FAT3: variants seen among roughly 807,000 people sequenced by gnomAD.
The protein encoded by FAT3 is protocadherin Fat 3.
In FAT3, 95 loss-of-function variants were observed where a neutral mutation model predicts 310.2. The observed-to-expected ratio is 0.31, with a 90% CI of 0.26 to 0.36. FAT3 has a LOEUF of 0.36. Among genes scored for constraint, FAT3 ranks in the 10% least tolerant of loss-of-function variants. The pLI is 1.00. For synonymous variants in FAT3, 2,314 were observed against 2,192.9 expected (o/e 1.06, Z -1.54); for missense variants, 5,408 against 5,715.6 (o/e 0.95, Z 1.74).
chr11:92,248,336 C>T (rs944229521), intron 1 of FAT3, among the ~76,000 whole-genome samples: 3 of 152,074 alleles, frequency 2.0e-5, no homozygotes, highest in African/African-American at 7.2e-5. Flanking sequence ...ACACATCTCA[C>T]ACTAGATTTC....
chr11:92,300,458 T>C (rs557144208), intron 1 of FAT3, among the ~76,000 whole-genome samples: 2 of 152,280 alleles, frequency 1.3e-5, no homozygotes, highest in South Asian at 4.1e-4. Context: ...ACTGAAACTT[T>C]ACAGGAAGGC....
intron 3 of FAT3, among the ~76,000 whole-genome samples, chr11:92,557,082 G>T (rs529377804): frequency 1.3e-5 from 2 of 151,462 alleles, no homozygotes; most frequent in East Asian, 2.0e-4. Context: ...TCTTTCTTTC[G>T]CTATCTATTG....
intron 9 of FAT3, 113 bp from the exon 10 acceptor site, chr11:92,797,723 T>G: frequency 1.1e-6 from 1 of 875,472 alleles, no homozygotes; most frequent in South Asian, 1.8e-5. Flanking sequence ...ATGAGTACTA[T>G]AATTGCTTTC....
intron 1 of FAT3, among the ~76,000 whole-genome samples, chr11:92,283,134 C>G (rs1004153741): frequency 2.0e-5 from 3 of 152,068 alleles, no homozygotes; most frequent in Non-Finnish European, 1.5e-5. Context: ...CAGCCCAGCC[C>G]GATTGTCTTA....
intron 3 of FAT3, among the ~76,000 whole-genome samples, chr11:92,593,643 G>A (rs1359177548): frequency 1.3e-5 from 2 of 152,010 alleles, no homozygotes; most frequent in African/African-American, 2.4e-5. Flanking sequence ...CCTTCTAGAA[G>A]GGTAACTAAC....
At chr11:92,274,538 ACAATATGT>A (rs1946211697) in intron 1 of FAT3, among the ~76,000 whole-genome samples, 1 of 152,074 alleles carries the variant, frequency 6.6e-6, no homozygotes, top group African/African-American at 2.4e-5. Flanking sequence ...TTCTGTAAAT[ACAATATGT>A]CAATTTTAAA....
intron 2 of FAT3, among the ~76,000 whole-genome samples, chr11:92,418,430 C>CCG (rs1555040300): frequency 1.1e-5 from 1 of 94,302 alleles, no homozygotes; most frequent in Non-Finnish European, 2.0e-5. Context: ...CCCCCCCCAC[C>CCG]CCCCCACACA....
At chr11:92,598,007 G>T (rs1939802649) in intron 3 of FAT3, among the ~76,000 whole-genome samples, 1 of 151,954 alleles carries the variant, frequency 6.6e-6, no homozygotes, top group Non-Finnish European at 1.5e-5. Context: ...TGAACTTGTG[G>T]TATACAATGT....
At chr11:92,805,407 C>A (rs1947476219) in intron 11 of FAT3, 58 bp downstream of exon 11, 2 of 1,515,026 alleles carry the variant, frequency 1.3e-6, no homozygotes, top group African/African-American at 1.4e-5. Flanking sequence ...AAAATAAAAA[C>A]CCATTTCACT....
chr11:92,795,383 T>C (rs1947142075), intron 9 of FAT3, among the ~76,000 whole-genome samples: 1 of 152,090 alleles, frequency 6.6e-6, no homozygotes. Context: ...ACAGCTTTTA[T>C]TCAATTGCCA....
chr11:92,407,213 T>TG (rs1386510778), intron 2 of FAT3, among the ~76,000 whole-genome samples: 1 of 152,020 alleles, frequency 6.6e-6, no homozygotes, highest in African/African-American at 2.4e-5. Flanking sequence ...GCCAGGGAGA[T>TG]GGAGATTGAC....
At chr11:92,447,076 A>C (rs183396499) in intron 2 of FAT3, among the ~76,000 whole-genome samples, 1 of 151,996 alleles carries the variant, frequency 6.6e-6, no homozygotes, top group Admixed American at 6.5e-5. Flanking sequence ...TTAGCCAAAA[A>C]GTGTTGATTG....
intron 3 of FAT3, among the ~76,000 whole-genome samples, chr11:92,656,207 C>CA (rs2135778463): frequency 6.6e-6 from 1 of 152,230 alleles, no homozygotes; most frequent in Non-Finnish European, 1.5e-5. Flanking sequence ...GATATAGAAA[C>CA]AAAATTATAC....
In FAT3 at chr11:92,798,254, A is replaced by G; in HGVS notation, c.5241A>G (p.Ala1747=). Residue 1747 remains alanine, a synonymous_variant, in exon 10 of 28, where the codon GCA becomes GCG. Transcript: ENST00000525166. ...YQLIIQATNM[A]GMASNATVNI... is the part of the protein sequence containing the mutation. ...TCATCATTCAGGCCACCAATATGGC[A>G]GGAATGGCTTCCAATGCTACAGTCA... 12 of 1,613,966 alleles carry G rather than the reference A, an allele frequency of 7.4e-6. No homozygotes were observed. Among genetic ancestry groups the G allele is most frequent in the Non-Finnish European group, 1.0e-5 (12 of 1,179,856 alleles).
chr11:92,499,628 G>A (rs962970401), intron 2 of FAT3, among the ~76,000 whole-genome samples: 4 of 151,910 alleles, frequency 2.6e-5, no homozygotes, highest in Non-Finnish European at 5.9e-5. Context: ...TGACTGCCCA[G>A]CATCCACATC....
intron 4 of FAT3, among the ~76,000 whole-genome samples, chr11:92,732,315 C>T (rs1335509662): frequency 1.3e-5 from 2 of 151,954 alleles, no homozygotes; most frequent in Admixed American, 1.3e-4. Context: ...CTTATAGAAG[C>T]GATATAACAA....
chr11:92,822,468 A>G (rs1231733456), intron 13 of FAT3, among the ~76,000 whole-genome samples: 1 of 152,120 alleles, frequency 6.6e-6, no homozygotes, highest in African/African-American at 2.4e-5. Context: ...AAGGACCCCA[A>G]GCTTTGACTC....
At chr11:92,848,735 C>T (rs1948746423) in intron 19 of FAT3, among the ~76,000 whole-genome samples, 1 of 152,194 alleles carries the variant, frequency 6.6e-6, no homozygotes, top group Non-Finnish European at 1.5e-5. Flanking sequence ...TTGCCATGGG[C>T]GAAGCCCTGC....
At chr11:92,496,075 C>A (rs971454342) in intron 2 of FAT3, among the ~76,000 whole-genome samples, 6 of 152,038 alleles carry the variant, frequency 3.9e-5, no homozygotes, top group Non-Finnish European at 5.9e-5. Context: ...TTGATTAAAT[C>A]TGTTGTGCGC....
Sources: allele counts gnomAD v4.1 joint callset (sites outside exome capture counted in the v4.1 genomes callset), GRCh38; gene constraint gnomAD v4.1.1; transcripts MANE v1.5; gene names NCBI Gene and HGNC (gene_info 2026-07-23, HGNC 2026-07-21).